NALF1: variants seen among roughly 807,000 people sequenced by gnomAD.
NALF1 encodes the protein NALCN channel auxiliary factor 1, also known as family with sequence similarity 155 member A.
NALF1 carries 3 observed loss-of-function variants against 48.4 expected under a neutral mutation model. That is an observed-to-expected ratio of 0.06 (90% CI 0.03 to 0.16). The LOEUF (loss-of-function observed/expected upper bound fraction) is 0.16. Ranked by LOEUF, NALF1 falls within the 10% of genes least tolerant of loss-of-function variation. The pLI is 1.00. For synonymous variants in NALF1, 262 were observed against 245.7 expected (o/e 1.07, Z -0.62); for missense variants, 526 against 571.5 (o/e 0.92, Z 0.81).
At chr13:107,310,219 C>T (rs891425665) in intron 1 of NALF1, among the ~76,000 whole-genome samples, 37 of 151,764 alleles carry the variant, frequency 2.4e-4, no homozygotes, top group African/African-American at 8.5e-4. Flanking sequence ...AGACCAGCCT[C>T]GCCAACATGG....
chr13:107,198,198 T>C (rs1221653772), intron 2 of NALF1, among the ~76,000 whole-genome samples: 1 of 152,196 alleles, frequency 6.6e-6, no homozygotes, highest in Non-Finnish European at 1.5e-5. Flanking sequence ...GGCTTGATTT[T>C]TCAGAGGAAA....
At chr13:107,340,483 TTCTTTTTG>T (rs1441819977) in intron 1 of NALF1, among the ~76,000 whole-genome samples, 8 of 53,924 alleles carry the variant, frequency 1.5e-4, no homozygotes, top group Middle Eastern at 8.6e-3. Flanking sequence ...CTTTCTTTCT[TTCTTTTTG>T]TCTTTCTTTC....
chr13:107,627,628 C>T lies in NALF1; in HGVS notation c.915+238054G>A, dbSNP rs181883780. 2.0e-4 allele frequency among the ~76,000 whole-genome samples: 31 copies of T among 152,022 alleles called. No individual in the cohort carries two copies. In the East Asian group the frequency reaches 3.1e-3, roughly 15 times the overall value. ...CCTATAAAACGTATATTTTAAAGCC[C>T]GCACATAAGGCTTTAAAAATGTCAC... is the stretch of plus-strand genomic sequence containing the variant. On this transcript the variant is annotated intron_variant, in intron 1 of 2. Transcript: ENST00000375915.
At chr13:107,729,048 A>G (rs571394033) in intron 1 of NALF1, among the ~76,000 whole-genome samples, 2 of 152,338 alleles carry the variant, frequency 1.3e-5, no homozygotes, top group South Asian at 4.1e-4. Context: ...GAAGCAGCGA[A>G]TAGCCTTTGA....
At chr13:107,457,005 T>C (rs574651931) in intron 1 of NALF1, among the ~76,000 whole-genome samples, 5 of 152,326 alleles carry the variant, frequency 3.3e-5, no homozygotes, top group African/African-American at 1.2e-4. Flanking sequence ...GACATTCATA[T>C]GGCATCTGTT....
At position 107,469,733 on chromosome 13, in the gene NALF1, C is replaced by CTTTTTTTTT. The variant is rs61241553; in HGVS notation, c.916-258987_916-258979dup. 2.4e-4 allele frequency among the ~76,000 whole-genome samples: 19 copies of CTTTTTTTTT among 79,970 alleles called. 2 individuals carry two copies. The highest frequency in any genetic ancestry group is 6.9e-4 in the African/African-American group (13 of 18,766). The allele number at this position is 79,970 out of a possible 152,430, so 52.5% of individuals were successfully genotyped here. ...TAAATGCGATGAGTCAACTGTGTAT[C>CTTTTTTTTT]TTTTTTTTTTTTTTTTTTTTTTTTT... On this transcript the variant is annotated intron_variant, in intron 1 of 2. Transcript: ENST00000375915.
intron 1 of NALF1, among the ~76,000 whole-genome samples, chr13:107,496,795 C>T (rs1875353349): frequency 6.6e-6 from 1 of 151,884 alleles, no homozygotes; most frequent in Non-Finnish European, 1.5e-5. Context: ...TGGGAGCAGG[C>T]AAAAAAGAAA....
chr13:107,525,888 T>C (rs928588465), intron 1 of NALF1, among the ~76,000 whole-genome samples: 2 of 152,178 alleles, frequency 1.3e-5, no homozygotes, highest in South Asian at 2.1e-4. Context: ...ATTTTTGTAA[T>C]GGCTAATGAT....
intron 1 of NALF1, among the ~76,000 whole-genome samples, chr13:107,838,536 A>G (rs984155536): frequency 6.6e-6 from 1 of 152,180 alleles, no homozygotes; most frequent in African/African-American, 2.4e-5. Context: ...ATTGTGTCGT[A>G]CGTAACAGGT....
chr13:107,822,621 T>C (rs1238959674), intron 1 of NALF1, among the ~76,000 whole-genome samples: 1 of 152,204 alleles, frequency 6.6e-6, no homozygotes, highest in Non-Finnish European at 1.5e-5. Flanking sequence ...AATCTCAGCA[T>C]TGCAGTTGAT....
chr13:107,283,617 A>ATTATTTATTTAT (rs71121515), intron 1 of NALF1, among the ~76,000 whole-genome samples: 6 of 145,466 alleles, frequency 4.1e-5, no homozygotes, highest in Admixed American at 2.1e-4. Flanking sequence ...GCGGATCTTC[A>ATTATTTATTTAT]TTATTTATTT....
At chr13:107,379,847 G>T (rs1398083701) in intron 1 of NALF1, among the ~76,000 whole-genome samples, 3 of 152,218 alleles carry the variant, frequency 2.0e-5, no homozygotes, top group Non-Finnish European at 4.4e-5. Flanking sequence ...AGAGGGAAAT[G>T]ATGGAGTGGG....
At chr13:107,211,809 G>T (rs867066037) in intron 1 of NALF1, among the ~76,000 whole-genome samples, 1 of 152,074 alleles carries the variant, frequency 6.6e-6, no homozygotes, top group South Asian at 2.1e-4. Context: ...ATAATAACAA[G>T]AATAATAGCT....
intron 1 of NALF1, among the ~76,000 whole-genome samples, chr13:107,396,260 C>G (rs1566324511): frequency 6.6e-6 from 1 of 152,258 alleles, no homozygotes; most frequent in East Asian, 1.9e-4. Context: ...CAAATATAGT[C>G]AGATTGGGGG....
chr13:107,725,536 C>T (rs1313861806), intron 1 of NALF1, among the ~76,000 whole-genome samples: 1 of 152,048 alleles, frequency 6.6e-6, no homozygotes, highest in Non-Finnish European at 1.5e-5. Flanking sequence ...ATAGTGAAAC[C>T]CTGTTTCTAC....
intron 1 of NALF1, among the ~76,000 whole-genome samples, chr13:107,347,193 CTT>C (rs1313036929): frequency 6.6e-6 from 1 of 152,206 alleles, no homozygotes; most frequent in African/African-American, 2.4e-5. Flanking sequence ...TTGCCAGACT[CTT>C]TTCCAAAGAT....
At chr13:107,696,030 G>A (rs1194984141) in intron 1 of NALF1, among the ~76,000 whole-genome samples, 4 of 151,954 alleles carry the variant, frequency 2.6e-5, no homozygotes, top group Non-Finnish European at 5.9e-5. Context: ...CTGAATAGCT[G>A]GGATTACAGC....
chr13:107,267,992 T>C lies in NALF1; in HGVS notation c.916-57237A>G, dbSNP rs1324265037. ...TTGTTTTTTTCTGGAATTTTTTTTT[T>C]TTTTTTTTTTTTTGAGATGGAGTCT... On this transcript the variant is annotated intron_variant, in intron 1 of 2. Transcript: ENST00000375915. Among the ~76,000 whole-genome samples, 8 of 146,360 alleles carry C rather than the reference T, an allele frequency of 5.5e-5. No homozygotes were observed. In the East Asian group the frequency reaches 1.6e-3, roughly 29 times the overall value.
chr13:107,211,241 T>C lies in NALF1; in HGVS notation c.916-486A>G, dbSNP rs548098570. Among the ~76,000 whole-genome samples the C allele has an allele frequency of 8.5e-5, 13 of 152,324 alleles. No homozygotes were observed. The South Asian group carries it at 2.7e-3, about 32-fold the overall frequency. ...GGCCCAGCAGGGGTTGGGAAACTGCTGTTTAGATCTTGGACTTTGAGAGGC... is the reference window on the plus strand; with the variant it reads ...GGCCCAGCAGGGGTTGGGAAACTGCCGTTTAGATCTTGGACTTTGAGAGGC... On this transcript the variant is annotated intron_variant, in intron 1 of 2. Coordinates refer to ENST00000375915, the MANE Select transcript of NALF1 (RefSeq NM_001080396.3).
Sources: gnomAD v4.1 joint callset for allele counts (sites outside exome capture counted in the v4.1 genomes callset) on GRCh38, gnomAD v4.1.1 for gene constraint, MANE v1.5 for transcripts, NCBI Gene and HGNC (gene_info 2026-07-23, HGNC 2026-07-21) for gene names.